The following MTMR14 variants were observed in gnomAD, a reference collection of about 807,000 sequenced individuals.
The protein encoded by MTMR14 is phosphatidylinositol-3,5-bisphosphate 3-phosphatase MTMR14.
MTMR14 carries 48 observed loss-of-function variants against 86.3 expected under a neutral mutation model. The ratio of observed to expected loss-of-function variants is 0.56; its 90% CI spans 0.44 to 0.71. The LOEUF (loss-of-function observed/expected upper bound fraction) is 0.71. Among genes scored for constraint, MTMR14 ranks in the 30% least tolerant of loss-of-function variants. The probability of loss-of-function intolerance (pLI) is 0.00; values close to 1 mark genes in which losing one functional copy is unlikely to be tolerated. For synonymous variants in MTMR14, 366 were observed against 326.1 expected, an observed-to-expected ratio of 1.12 and a Z score of -1.32; for missense variants, 780 against 834.6, an observed-to-expected ratio of 0.93 and a Z score of 0.81.
chr3:9,686,351 C>G (rs190889559), intron 13 of MTMR14, among the ~76,000 whole-genome samples: 2 of 152,328 alleles, frequency 1.3e-5, no homozygotes, highest in African/African-American at 2.4e-5. Flanking sequence ...GTCTCCCTCC[C>G]CGACAAAGCA....
intron 17 of MTMR14, among the ~76,000 whole-genome samples, chr3:9,696,220 G>A (rs539999024): frequency 1.2e-4 from 18 of 152,292 alleles, no homozygotes; most frequent in Admixed American, 1.1e-3. Flanking sequence ...CTTCTCAGCC[G>A]GGCGCACTGG....
intron 2 of MTMR14, chr3:9,659,682 G>A (rs2047810591): frequency 2.2e-6 from 1 of 454,864 alleles, no homozygotes; most frequent in Non-Finnish European, 4.4e-6. Context: ...GACCTCAGGT[G>A]ATCTGCCGCC....
In MTMR14 at chr3:9,684,731, A is replaced by T. The variant is rs1291408532; in HGVS notation, c.1050+61A>T. Reference sequence around the variant, plus strand: ...TTGGGTGTGTTAGGATTGTCTCCAGACAGAGGGTGGAGCAGGGGATGCCAT... The same window carrying T: ...TTGGGTGTGTTAGGATTGTCTCCAGTCAGAGGGTGGAGCAGGGGATGCCAT... On this transcript the variant is annotated intron_variant, in intron 11 of 18. Coordinates refer to ENST00000296003, the MANE Select transcript of MTMR14 (RefSeq NM_001077525.3). The T allele has an allele frequency of 3.1e-6, 5 of 1,587,958 alleles. No individual in the cohort carries two copies. The Admixed American group carries it at 8.3e-5, about 26-fold the overall frequency.
At chr3:9,689,943 G>A (rs750253767) in intron 16 of MTMR14, 21 bp from the exon 17 acceptor site, 3 of 1,603,106 alleles carry the variant, frequency 1.9e-6, no homozygotes, top group African/African-American at 2.7e-5. Flanking sequence ...CCGGCTCACA[G>A]CCCTGCTCCT....
At chr3:9,684,534 G>A in intron 10 of MTMR14, 51 bp from the exon 11 acceptor site, 3 of 1,572,724 alleles carry the variant, frequency 1.9e-6, no homozygotes, top group Non-Finnish European at 1.8e-6. Flanking sequence ...CCTGCTCATC[G>A]GCCCATGTCT....
intron 11 of MTMR14, 41 bp from the exon 12 acceptor site, chr3:9,684,847 T>A: frequency 6.2e-7 from 1 of 1,605,532 alleles, no homozygotes. Flanking sequence ...CTCCTGGGGA[T>A]GAGAAGAGGG....
At chr3:9,688,602 T>G in intron 14 of MTMR14, 94 bp from the exon 15 acceptor site, 6 of 1,462,798 alleles carry the variant, frequency 4.1e-6, no homozygotes, top group Non-Finnish European at 5.7e-6. Context: ...GCCAGTGAAT[T>G]GAGCTGCTTT....
intron 2 of MTMR14, among the ~76,000 whole-genome samples, chr3:9,659,444 CTTT>C (rs546901318): frequency 5.0e-5 from 7 of 139,040 alleles, no homozygotes; most frequent in Non-Finnish European, 7.9e-5. Flanking sequence ...TGAATTGGTT[CTTT>C]TTTTTTTTTT....
chr3:9,649,513 G>T lies in MTMR14; in HGVS notation c.-71G>T. 6.7e-7 allele frequency: 1 copy of T among 1,483,798 alleles called. No individual in the cohort carries two copies. Among genetic ancestry groups the T allele is most frequent in the Non-Finnish European group, 8.9e-7 (1 of 1,120,800 alleles). The allele number at this position is 1,483,798 out of a possible 1,614,324, so 91.9% of individuals were successfully genotyped here. On this transcript the variant is annotated 5_prime_UTR_variant, in exon 1 of 19. Transcript: ENST00000296003. ...GGCTGAGGCGGTTCCGGAGGTTCTAGTGTCGGAGTTGGGTGCAGGCAGGTG... is the reference window on the plus strand; with the variant it reads ...GGCTGAGGCGGTTCCGGAGGTTCTATTGTCGGAGTTGGGTGCAGGCAGGTG...
chr3:9,690,644 G>A (rs1005544322), intron 17 of MTMR14, among the ~76,000 whole-genome samples: 1 of 152,238 alleles, frequency 6.6e-6, no homozygotes, highest in Non-Finnish European at 1.5e-5. Context: ...TGCCAGGGCC[G>A]TGGCTGAAGG....
intron 17 of MTMR14, among the ~76,000 whole-genome samples, chr3:9,693,179 C>G (rs137932454): frequency 6.6e-6 from 1 of 152,204 alleles, no homozygotes; most frequent in Admixed American, 6.5e-5. Flanking sequence ...CCATATCTGT[C>G]GTTTCCACAT....
rs2048625815 is a variant in MTMR14 at position 9,672,542 on chromosome 3, GC to G, written c.678-142del. The G allele has an allele frequency of 1.1e-5, 8 of 749,330 alleles. No individual in the cohort carries two copies. The Admixed American group carries it at 1.6e-4, about 15-fold the overall frequency. 46.4% of individuals were successfully genotyped at this position (749,330 alleles called of 1,614,324 possible). A position where few individuals can be genotyped will look rare whatever the true frequency, so the allele number is the denominator to read the frequency against. ...TATAGTTCTTAATTGTACAAAGTAG[GC>G]ACTGCTGAAGGGAATTATTAACAAT... On this transcript the variant is annotated intron_variant, in intron 6 of 18. Coordinates refer to ENST00000296003, the MANE Select transcript of MTMR14 (RefSeq NM_001077525.3).
At position 9,668,712 on chromosome 3, in the gene MTMR14, C is replaced by G. The variant is rs772878106; in HGVS notation, c.418-7C>G. On this transcript the variant is annotated splice_region_variant and splice_polypyrimidine_tract_variant and intron_variant, in intron 3 of 18. Transcript: ENST00000296003. The stretch of plus-strand genomic sequence containing the variant: ...ATCTGACCGTGAAAATGATGTTTCT[C>G]TCCCAGCACATTTGCAGGTCGGCCA... The G allele has an allele frequency of 1.2e-6, 2 of 1,614,034 alleles. No homozygotes were observed. The highest frequency in any genetic ancestry group is 1.7e-6 in the Non-Finnish European group (2 of 1,179,978).
chr3:9,679,889 A>G (rs1289146921), intron 9 of MTMR14, among the ~76,000 whole-genome samples: 1 of 152,210 alleles, frequency 6.6e-6, no homozygotes, highest in Non-Finnish European at 1.5e-5. Flanking sequence ...GCGCCTCCCA[A>G]GAGGCCACCT....
intron 2 of MTMR14, among the ~76,000 whole-genome samples, chr3:9,661,136 TTGGCCATATG>T (rs1364709763): frequency 6.6e-6 from 1 of 152,228 alleles, no homozygotes; most frequent in Admixed American, 6.5e-5. Context: ...CTGTGCGCTG[TTGGCCATATG>T]GACTGTGAAA....
intron 3 of MTMR14, 111 bp from the exon 4 acceptor site, chr3:9,668,608 C>A: frequency 9.0e-7 from 1 of 1,111,748 alleles, no homozygotes; most frequent in Non-Finnish European, 1.4e-6. Flanking sequence ...TTGGGGAGTG[C>A]TCCTGGGCCC....
intron 2 of MTMR14, among the ~76,000 whole-genome samples, chr3:9,661,001 T>C (rs142785299): frequency 1.1e-3 from 162 of 152,298 alleles, no homozygotes; most frequent in Non-Finnish European, 1.9e-3. Flanking sequence ...TTGATATGGG[T>C]ATGACTTGCT....
intron 2 of MTMR14, among the ~76,000 whole-genome samples, chr3:9,655,387 A>G (rs936841523): frequency 1.3e-5 from 2 of 151,288 alleles, no homozygotes; most frequent in African/African-American, 4.9e-5. Flanking sequence ...AAAAGATGAC[A>G]GATTCTAGAA....
Position 9,672,577 on chromosome 3 carries a change from G to C in MTMR14, c.678-108G>C, listed in dbSNP as rs1574995763. On this transcript the variant is annotated intron_variant, in intron 6 of 18. Transcript: ENST00000296003. ...AGGGAATTATTAACAATGAAGAATA[G>C]TTTTTTTTAGCAGAAGCTTCATTTG... The C allele has an allele frequency of 6.0e-6, 6 of 999,300 alleles. No homozygotes were observed. The East Asian group carries it at 1.4e-4, about 24-fold the overall frequency. 61.9% of individuals were successfully genotyped at this position (999,300 alleles called of 1,614,324 possible).
Sources: gnomAD v4.1 joint callset for allele counts (sites outside exome capture counted in the v4.1 genomes callset) on GRCh38, gnomAD v4.1.1 for gene constraint, MANE v1.5 for transcripts, NCBI Gene and HGNC (gene_info 2026-07-23, HGNC 2026-07-21) for gene names.